COPB2: variants seen among roughly 807,000 people sequenced by gnomAD.
COPB2 encodes coat protein complex I subunit beta 2.
Under a neutral mutation model 120.8 loss-of-function variants are expected in COPB2, and 16 were observed. The observed-to-expected ratio is 0.13, with a 90% CI of 0.09 to 0.20. The LOEUF (loss-of-function observed/expected upper bound fraction) is 0.20. Among genes scored for constraint, COPB2 ranks in the 10% least tolerant of loss-of-function variants. The pLI, the probability that COPB2 is intolerant of heterozygous loss-of-function variation, is 1.00. For synonymous variants in COPB2, 332 were observed against 366.3 expected (o/e 0.91, Z 1.07); for missense variants, 794 against 1,076.5 (o/e 0.74, Z 3.67).
chr3:139,371,854 G>A (rs201041201), intron 9 of COPB2, 21 bp from the exon 10 acceptor site: 14 of 1,601,254 alleles, frequency 8.7e-6, no homozygotes, highest in Admixed American at 3.3e-5. Context: ...CAGAAGCCAG[G>A]GAGGGAAGTA....
At chr3:139,380,068 G>A (rs1356452937) in intron 2 of COPB2, 2 of 136,042 alleles carry the variant, frequency 1.5e-5, no homozygotes, top group African/African-American at 5.8e-5. Context: ...GTGCAGTACA[G>A]TGGCACAATC....
chr3:139,379,120 C>T lies in COPB2; in HGVS notation c.282G>A (p.Met94Ile). ...GAATGTAGTCTGAGTGTGCTTCAAA[C>T]ATATGAACTCTCTCCAGAGTATTGT... is the stretch of plus-strand genomic sequence containing the variant. ...FNYNTLERVH[M>I]FEAHSDYIRC... The change falls in exon 4 of 22, where the codon ATG becomes ATA. Residue 94 changes from methionine (M) to isoleucine (I), a missense_variant. By Grantham distance (10) the Met-to-Ile change is conservative (BLOSUM62 1). This residue lies in a region of COPB2 where 610 missense variants were observed against 866.7 expected (regional missense o/e 0.70). Transcript: ENST00000333188. The T allele has an allele frequency of 6.2e-7, 1 of 1,612,430 alleles. No individual in the cohort carries two copies. Among genetic ancestry groups the T allele is most frequent in the Non-Finnish European group, 8.5e-7 (1 of 1,179,534 alleles).
At chr3:139,360,980 A>C (rs975166184) in intron 17 of COPB2, 101 bp downstream of exon 17, 4 of 1,291,248 alleles carry the variant, frequency 3.1e-6, no homozygotes, top group Non-Finnish European at 4.4e-6. Flanking sequence ...ATTCAACACC[A>C]TTTGGCCATT....
chr3:139,379,164 G>T lies in COPB2; in HGVS notation c.238C>A (p.Gln80Lys). The T allele has an allele frequency of 6.9e-6, 11 of 1,591,562 alleles. No individual in the cohort carries two copies. The highest frequency in any genetic ancestry group is 7.7e-6 in the Non-Finnish European group (9 of 1,172,896). ...NWVVTGADDM[Q>K]IRVFNYNTLE... ...GTATTGTAATTGAACACTCTAATCT[G>T]CATGTCATCCTAGAAACAGAAATTT... Residue 80 changes from glutamine to lysine, a missense_variant, in exon 4 of 22, where the codon CAG (glutamine) becomes AAG (lysine). Gln to Lys is a moderately conservative substitution (Grantham distance 53). This residue lies in a region of COPB2 where 610 missense variants were observed against 866.7 expected (regional missense o/e 0.70). Transcript: ENST00000333188.
At chr3:139,388,626 GT>G (rs35109875) in intron 1 of COPB2, among the ~76,000 whole-genome samples, 35,970 of 121,222 alleles carry the variant, frequency 0.3, 3,983 homozygotes, top group Middle Eastern at 0.43. Flanking sequence ...TTCATAACAA[GT>G]TTTTTTTTTT....
chr3:139,378,804 T>TA (rs1941760495), intron 4 of COPB2, among the ~76,000 whole-genome samples: 1 of 152,232 alleles, frequency 6.6e-6, no homozygotes, highest in Admixed American at 6.5e-5. Context: ...TTTAAACATC[T>TA]AGACTTGTAG....
chr3:139,363,022 A>G lies in COPB2; in HGVS notation c.1885-505T>C, dbSNP rs1941452808. Among the ~76,000 whole-genome samples, 3 of 152,198 alleles carry G rather than the reference A, an allele frequency of 2.0e-5. No homozygotes were observed. In the South Asian group the frequency reaches 6.2e-4, roughly 31 times the overall value. On this transcript the variant is annotated intron_variant, in intron 15 of 21. Transcript: ENST00000333188. The stretch of plus-strand genomic sequence containing the variant: ...TAAATGGCCAAAGAAACGGGAGTCA[A>G]ATATAAAACCTTCCAACTTTCTGTC...
chr3:139,387,674 T>C (rs1000420759), intron 1 of COPB2, among the ~76,000 whole-genome samples: 3 of 152,200 alleles, frequency 2.0e-5, no homozygotes, highest in Non-Finnish European at 4.4e-5. Flanking sequence ...TATTTGAGTA[T>C]GGGGGTTTAA....
At chr3:139,360,298 C>A (rs564804426) in intron 17 of COPB2, among the ~76,000 whole-genome samples, 1 of 151,340 alleles carries the variant, frequency 6.6e-6, no homozygotes. Context: ...ACGAGGCAGG[C>A]GGATCATTTG....
At position 139,358,807 on chromosome 3, in the gene COPB2, A is replaced by T; in HGVS notation, c.2490T>A (p.Asn830Lys). Residue 830 changes from asparagine (N) to lysine (K), a missense_variant, in exon 20 of 22, where the codon AAT (asparagine) becomes AAA (lysine). By Grantham distance (94) the Asn-to-Lys change is moderately conservative. Around this residue, in one of 3 missense-constraint regions of COPB2, gnomAD observed 178 missense variants for 183.2 expected, o/e 0.97. Coordinates refer to ENST00000333188, the MANE Select transcript of COPB2 (RefSeq NM_004766.3). ...PAKQYPLVTP[N>K]EERNVMEEGK... ...CCTCTTCCATGACATTTCTCTCTTCATTTGGCTATCAGAGAATAAAGCAAT... is the reference window on the plus strand; with the variant it reads ...CCTCTTCCATGACATTTCTCTCTTCTTTTGGCTATCAGAGAATAAAGCAAT... 6.2e-7 allele frequency: 1 copy of T among 1,612,218 alleles called. No homozygotes were observed. Among genetic ancestry groups the T allele is most frequent in the South Asian group, 1.1e-5 (1 of 91,064 alleles).
intron 10 of COPB2, among the ~76,000 whole-genome samples, chr3:139,370,762 G>A (rs1164993479): frequency 6.6e-6 from 1 of 152,026 alleles, no homozygotes; most frequent in East Asian, 1.9e-4. Context: ...GGATAGAGCT[G>A]AAAAAAAGGA....
In COPB2 at chr3:139,358,255, G is replaced by A. The variant is rs753544849; in HGVS notation, c.2570C>T (p.Pro857Leu). ...CACAATAACCGGAGTAGGAGAAGCA[G>A]GTTTCCCATCAAGTTCCTGAAACCA... ...STAQQELDGKPASPTPVIVAS... is the reference protein window; with the variant it reads ...STAQQELDGKLASPTPVIVAS... Residue 857 changes from proline to leucine, a missense_variant, in exon 21 of 22, where the codon CCT becomes CTT. This residue lies in a region of COPB2 where 178 missense variants were observed against 183.2 expected (regional missense o/e 0.97). Coordinates refer to ENST00000333188, the MANE Select transcript of COPB2 (RefSeq NM_004766.3). The A allele has an allele frequency of 4.3e-6, 7 of 1,614,056 alleles. No individual in the cohort carries two copies. The South Asian group carries it at 5.5e-5, about 13-fold the overall frequency.
rs748147974 is a variant in COPB2, at chr3:139,359,318, G to A, written c.2255C>T (p.Pro752Leu). The part of the protein sequence containing the change: ...LELLIRTGRL[P>L]EAAFLARTYL... Reference sequence around the variant, plus strand: ...AGTTCGGGCCAAGAAGGCAGCTTCTGGCAGCCGTCCAGTTCTAATTAAGAG... The same window carrying A: ...AGTTCGGGCCAAGAAGGCAGCTTCTAGCAGCCGTCCAGTTCTAATTAAGAG... The change falls in exon 18 of 22, where the codon CCA (proline) becomes CTA (leucine). Residue 752 changes from proline (P) to leucine (L), a missense_variant. Pro to Leu is a moderately conservative substitution (Grantham distance 98). Coordinates refer to ENST00000333188, the MANE Select transcript of COPB2 (RefSeq NM_004766.3). 12 of 1,614,136 alleles carry A rather than the reference G, an allele frequency of 7.4e-6. No homozygotes were observed. The highest frequency in any genetic ancestry group is 1.0e-5 in the Non-Finnish European group (12 of 1,180,010).
At chr3:139,375,715 GGAGAGAA>G in intron 5 of COPB2, 101 bp from the exon 6 acceptor site, 1 of 1,309,158 alleles carries the variant, frequency 7.6e-7, no homozygotes, top group Non-Finnish European at 1.0e-6. Flanking sequence ...CCAAAGCCCA[GGAGAGAA>G]GAGCTATCAA....
At chr3:139,368,843 G>A (rs1338658660) in intron 12 of COPB2, among the ~76,000 whole-genome samples, 3 of 152,190 alleles carry the variant, frequency 2.0e-5, no homozygotes, top group Admixed American at 6.5e-5. Flanking sequence ...AACTGTCAAA[G>A]CAGCGGGCAG....
intron 1 of COPB2, among the ~76,000 whole-genome samples, chr3:139,386,450 C>T (rs1042803209): frequency 3.9e-5 from 6 of 151,998 alleles, no homozygotes; most frequent in Non-Finnish European, 8.8e-5. Context: ...CAGGGTTTCA[C>T]CATATTGGCC....
chr3:139,386,692 AC>A (rs1941931311), intron 1 of COPB2, among the ~76,000 whole-genome samples: 2 of 152,248 alleles, frequency 1.3e-5, no homozygotes, highest in African/African-American at 4.8e-5. Context: ...CCAGGCAGGA[AC>A]CATGGTGAGG....
intron 1 of COPB2, among the ~76,000 whole-genome samples, chr3:139,384,462 A>G (rs531835791): frequency 1.3e-5 from 2 of 152,356 alleles, no homozygotes; most frequent in East Asian, 3.9e-4. Context: ...TTGGCAAGAA[A>G]TACTGTCAGG....
At position 139,369,511 on chromosome 3, in the gene COPB2, C is replaced by T. The variant is rs776069210; in HGVS notation, c.1239G>A (p.Lys413=). The change falls in exon 11 of 22, where the codon AAG becomes AAA. Residue 413 remains lysine, a synonymous_variant. Transcript: ENST00000333188. The part of the protein sequence containing the change: ...YAIRESNSIV[K]IFKNFKEKKS... ...TTTTTTCCTTAAAGTTCTTAAATATCTTTACAATGCTGTTGCTCTCTCTTA... is the reference window on the plus strand; with the variant it reads ...TTTTTTCCTTAAAGTTCTTAAATATTTTTACAATGCTGTTGCTCTCTCTTA... 1 of 1,611,864 alleles carries T rather than the reference C, an allele frequency of 6.2e-7. No homozygotes were observed. The highest frequency in any genetic ancestry group is 8.5e-7 in the Non-Finnish European group (1 of 1,178,872).
Sources: allele counts gnomAD v4.1 joint callset (sites outside exome capture counted in the v4.1 genomes callset), GRCh38; gene constraint gnomAD v4.1.1; regional missense constraint gnomAD v4.1.1; transcripts MANE v1.5; gene names NCBI Gene and HGNC (gene_info 2026-07-23, HGNC 2026-07-21).